TNS1: variants seen among roughly 807,000 people sequenced by gnomAD.
TNS1 encodes the protein tensin 1.
A neutral mutation model predicts 168.6 loss-of-function variants in TNS1; 62 were observed. The ratio of observed to expected loss-of-function variants is 0.37; its 90% CI spans 0.30 to 0.45. The LOEUF (loss-of-function observed/expected upper bound fraction) is 0.45. TNS1 is among the 20% of genes least tolerant of loss of function. TNS1 has a pLI of 1.00. For missense variants in TNS1, 2,240 were observed against 2,339.4 expected (o/e 0.96, Z 0.88); for synonymous variants, 934 against 933.2 (o/e 1.00, Z -0.02).
At chr2:217,811,023 C>G (rs1181896066) in intron 28 of TNS1, among the ~76,000 whole-genome samples, 1 of 152,154 alleles carries the variant, frequency 6.6e-6, no homozygotes, top group Non-Finnish European at 1.5e-5. Flanking sequence ...GGACTACAGG[C>G]ATGAGCCACC....
intron 23 of TNS1, among the ~76,000 whole-genome samples, chr2:217,819,849 T>A (rs1383982909): frequency 6.6e-6 from 1 of 151,844 alleles, no homozygotes. Context: ...TGGGGAGAGG[T>A]CCTTACTTAG....
chr2:217,940,076 C>A (rs1324420370), intron 3 of TNS1, among the ~76,000 whole-genome samples: 1 of 152,224 alleles, frequency 6.6e-6, no homozygotes, highest in Non-Finnish European at 1.5e-5. Flanking sequence ...ACCCTGCCAC[C>A]CCCACCTCCT....
chr2:217,991,401 G>A (rs928223626), intron 1 of TNS1, among the ~76,000 whole-genome samples: 7 of 152,150 alleles, frequency 4.6e-5, no homozygotes, highest in Non-Finnish European at 8.8e-5. Flanking sequence ...TGTGTCACTC[G>A]ATACGTTCCA....
chr2:217,870,805 G>T (rs1412743367), intron 18 of TNS1, among the ~76,000 whole-genome samples: 1 of 152,220 alleles, frequency 6.6e-6, no homozygotes, highest in African/African-American at 2.4e-5. Flanking sequence ...GCCTCGCAGA[G>T]CAGGGCCAGC....
At chr2:217,983,980 A>G (rs1409990520) in intron 2 of TNS1, among the ~76,000 whole-genome samples, 1 of 152,220 alleles carries the variant, frequency 6.6e-6, no homozygotes, top group African/African-American at 2.4e-5. Flanking sequence ...TGAATAAAGC[A>G]CATGACCCTC....
At chr2:217,997,171 C>T (rs1958485482) in intron 1 of TNS1, among the ~76,000 whole-genome samples, 1 of 152,138 alleles carries the variant, frequency 6.6e-6, no homozygotes, top group South Asian at 2.1e-4. Flanking sequence ...TATCCCTACC[C>T]GCTGTCTCCT....
intron 11 of TNS1, 51 bp from the exon 12 acceptor site, chr2:217,891,096 C>T (rs376028261): frequency 4.1e-5 from 66 of 1,593,152 alleles, no homozygotes; most frequent in African/African-American, 1.3e-5. Context: ...ATCCAAGAGC[C>T]GCTTGTTTTC....
intron 3 of TNS1, among the ~76,000 whole-genome samples, chr2:217,957,229 A>G (rs1957387721): frequency 6.6e-6 from 1 of 151,900 alleles, no homozygotes; most frequent in African/African-American, 2.4e-5. Context: ...GCAGCCTTAC[A>G]TGGACATCTC....
At chr2:217,944,709 C>T (rs539565627) in intron 3 of TNS1, among the ~76,000 whole-genome samples, 6 of 152,330 alleles carry the variant, frequency 3.9e-5, no homozygotes, top group African/African-American at 1.4e-4. Context: ...GAAATACATG[C>T]TTCAACTCTC....
chr2:217,962,210 G>A (rs983908964), intron 3 of TNS1, among the ~76,000 whole-genome samples: 6 of 152,226 alleles, frequency 3.9e-5, no homozygotes, highest in Non-Finnish European at 8.8e-5. Context: ...TTGGGATGCC[G>A]AGGCGGGTGG....
rs773432792 is a variant in TNS1, at chr2:217,885,816, G to A, written c.1044C>T (p.Asn348=). 22 of 1,614,166 alleles carry A rather than the reference G, an allele frequency of 1.4e-5. No homozygotes were observed. Among genetic ancestry groups the A allele is most frequent in the Non-Finnish European group, 1.7e-5 (20 of 1,180,012 alleles). ...MQPVYTSGIY[N]IPGDSQTSVC... ...CGCTAGTCTGGCTGTCTCCTGGGAT[G>A]TTGCTAAGGGAGAGAGGTGGGCAGA... is the stretch of plus-strand genomic sequence containing the variant. The change falls in exon 15 of 33, where the codon AAC becomes AAT. Residue 348 remains asparagine (N), a synonymous_variant. Coordinates refer to ENST00000682258, the MANE Select transcript of TNS1 (RefSeq NM_001387777.1).
intron 3 of TNS1, among the ~76,000 whole-genome samples, chr2:217,938,546 C>T (rs934339857): frequency 6.6e-6 from 1 of 152,208 alleles, no homozygotes; most frequent in Non-Finnish European, 1.5e-5. Flanking sequence ...ACCTAGAGGG[C>T]ATAAGACACA....
At position 217,818,500 on chromosome 2, in the gene TNS1, C is replaced by T. The variant is rs1559162522; in HGVS notation, c.3832G>A (p.Val1278Met). ...TGGCGCGCCTGAGGGCTCCCAGGCA[C>T]CGTGTGGACGCCAGCCACACTGAAC... Reference protein sequence around the residue: ...AQFSVAGVHTVPGSPQARHRT... With the variant: ...AQFSVAGVHTMPGSPQARHRT... The change falls in exon 24 of 33, where the codon GTG becomes ATG. Residue 1278 changes from valine to methionine, a missense_variant. By Grantham distance (21) the Val-to-Met change is conservative (BLOSUM62 1). Transcript: ENST00000682258. 3 of 1,614,220 alleles carry T rather than the reference C, an allele frequency of 1.9e-6. No homozygotes were observed. Among genetic ancestry groups the T allele is most frequent in the Non-Finnish European group, 2.5e-6 (3 of 1,180,040 alleles).
chr2:217,908,708 C>T (rs942102716), intron 4 of TNS1, among the ~76,000 whole-genome samples: 4 of 152,156 alleles, frequency 2.6e-5, no homozygotes, highest in African/African-American at 7.2e-5. Context: ...GGAAGACAGG[C>T]GGCTGAGGCC....
At chr2:218,020,541 G>A (rs116082816) in intron 1 of TNS1, among the ~76,000 whole-genome samples, 3,051 of 152,012 alleles carry the variant, frequency 0.02, 100 homozygotes, top group African/African-American at 0.069. Context: ...GCTGACAGCA[G>A]AGAGCCCCCA....
intron 3 of TNS1, among the ~76,000 whole-genome samples, chr2:217,959,210 C>T (rs145280815): frequency 6.6e-6 from 1 of 152,356 alleles, no homozygotes; most frequent in Non-Finnish European, 1.5e-5. Flanking sequence ...TTCTCTGTTC[C>T]TGCTAAAACT....
chr2:218,023,787 C>T (rs1461513833), intron 1 of TNS1, among the ~76,000 whole-genome samples: 1 of 152,208 alleles, frequency 6.6e-6, no homozygotes, highest in East Asian at 1.9e-4. Context: ...GCTTTTCCCC[C>T]ACCAGCCCTC....
At chr2:217,932,795 T>A (rs1956389716) in intron 3 of TNS1, among the ~76,000 whole-genome samples, 1 of 152,204 alleles carries the variant, frequency 6.6e-6, no homozygotes, top group African/African-American at 2.4e-5. Context: ...GAGCTCTGAA[T>A]TCTTCCATGC....
At chr2:217,945,736 T>G (rs1309484663) in intron 3 of TNS1, among the ~76,000 whole-genome samples, 2 of 152,016 alleles carry the variant, frequency 1.3e-5, no homozygotes, top group African/African-American at 4.8e-5. Context: ...TCAAACCAAG[T>G]CTCCCACTCA....
Sources: allele counts gnomAD v4.1 joint callset (sites outside exome capture counted in the v4.1 genomes callset), GRCh38; gene constraint gnomAD v4.1.1; transcripts MANE v1.5; gene names NCBI Gene and HGNC (gene_info 2026-07-23, HGNC 2026-07-21).